Variants in MBD5 observed in about 807,000 individuals in gnomAD.
The protein encoded by MBD5 is methyl-CpG-binding domain protein 5.
Under a neutral mutation model 117.3 loss-of-function variants are expected in MBD5, and 13 were observed. The ratio of observed to expected loss-of-function variants is 0.11; its 90% CI spans 0.07 to 0.18. MBD5 has a LOEUF of 0.18. MBD5 is among the 10% of genes least tolerant of loss of function. MBD5 has a pLI of 1.00. For synonymous variants in MBD5, 727 were observed against 766.4 expected (o/e 0.95, Z 0.85); for missense variants, 1,879 against 2,093.8 (o/e 0.90, Z 2.00).
intron 2 of MBD5, among the ~76,000 whole-genome samples, chr2:148,182,078 T>C (rs1332206503): frequency 6.6e-6 from 1 of 152,072 alleles, no homozygotes; most frequent in Non-Finnish European, 1.5e-5. Flanking sequence ...TCTGGAACTA[T>C]GTTAACGAGT....
chr2:148,078,885 T>C (rs192136451), intron 1 of MBD5, among the ~76,000 whole-genome samples: 32 of 152,342 alleles, frequency 2.1e-4, no homozygotes, highest in Non-Finnish European at 5.9e-5. Flanking sequence ...TTTAATATTG[T>C]AAAAGAACAA....
intron 4 of MBD5, among the ~76,000 whole-genome samples, chr2:148,440,949 G>A (rs1706301607): frequency 6.6e-6 from 1 of 152,106 alleles, no homozygotes; most frequent in Non-Finnish European, 1.5e-5. Context: ...ATGGTATCTT[G>A]GAAGGAGCTG....
intron 1 of MBD5, among the ~76,000 whole-genome samples, chr2:148,086,810 G>T (rs945949127): frequency 2.6e-5 from 4 of 152,032 alleles, no homozygotes; most frequent in African/African-American, 7.2e-5. Flanking sequence ...CGTAGTTCTG[G>T]TATTTATTTG....
At chr2:148,437,803 G>T (rs964268679) in intron 4 of MBD5, among the ~76,000 whole-genome samples, 8 of 152,090 alleles carry the variant, frequency 5.3e-5, no homozygotes, top group African/African-American at 1.9e-4. Context: ...GTTGGTAATT[G>T]TTTGCACCCA....
chr2:148,209,652 G>T (rs537522012), intron 2 of MBD5, among the ~76,000 whole-genome samples: 1 of 151,894 alleles, frequency 6.6e-6, no homozygotes, highest in African/African-American at 2.4e-5. Context: ...AAAGGAAAAA[G>T]ATTTAATTGG....
At position 148,458,544 on chromosome 2, in the gene MBD5, T is replaced by A; in HGVS notation, c.-215T>A. 1.6e-6 allele frequency: 1 copy of A among 606,106 alleles called. No individual in the cohort carries two copies. 37.5% of individuals were successfully genotyped at this position (606,106 alleles called of 1,614,324 possible). A position where few individuals can be genotyped will look rare whatever the true frequency, so the allele number is the denominator to read the frequency against. ...CCATCCTTAGGAATTAAATATTGGT[T>A]ATTTAATGTAGATTATAATGGGAAG... On this transcript the variant is annotated 5_prime_UTR_variant, in exon 5 of 14. Coordinates refer to ENST00000642680, the MANE Select transcript of MBD5 (RefSeq NM_001378120.1).
chr2:148,107,535 C>A (rs550114574), intron 1 of MBD5, among the ~76,000 whole-genome samples: 1 of 151,838 alleles, frequency 6.6e-6, no homozygotes, highest in Non-Finnish European at 1.5e-5. Flanking sequence ...CTCTTCCTCT[C>A]GAGACTATAT....
chr2:148,275,912 A>G (rs569534286), intron 3 of MBD5, among the ~76,000 whole-genome samples: 2 of 152,090 alleles, frequency 1.3e-5, no homozygotes, highest in South Asian at 4.2e-4. Flanking sequence ...TAAAATTAAT[A>G]TTTTCTGATT....
intron 8 of MBD5, among the ~76,000 whole-genome samples, chr2:148,482,566 TA>T (rs1380469921): frequency 6.6e-6 from 1 of 152,186 alleles, no homozygotes; most frequent in Non-Finnish European, 1.5e-5. Context: ...AGCTATAAAC[TA>T]AAATGTTAAT....
At chr2:148,273,493 C>T (rs1452125517) in intron 3 of MBD5, among the ~76,000 whole-genome samples, 8 of 152,082 alleles carry the variant, frequency 5.3e-5, no homozygotes, top group African/African-American at 9.7e-5. Flanking sequence ...TTCTGATGGA[C>T]GAGCTGGCAC....
At chr2:148,414,528 C>T (rs1012226781) in intron 4 of MBD5, among the ~76,000 whole-genome samples, 2 of 151,996 alleles carry the variant, frequency 1.3e-5, no homozygotes, top group African/African-American at 4.8e-5. Context: ...TTAGTTTCCT[C>T]CTTGGTGATC....
intron 1 of MBD5, among the ~76,000 whole-genome samples, chr2:148,172,242 C>A (rs1395626893): frequency 1.3e-5 from 2 of 152,232 alleles, no homozygotes; most frequent in Non-Finnish European, 2.9e-5. Context: ...CATCCCTGCG[C>A]TATCAGAAGC....
intron 8 of MBD5, among the ~76,000 whole-genome samples, chr2:148,475,257 C>T (rs1680920359): frequency 6.6e-6 from 1 of 152,034 alleles, no homozygotes; most frequent in Admixed American, 6.6e-5. Context: ...AACCAAACAA[C>T]AGAACTATAC....
chr2:148,216,508 C>A (rs552382472), intron 2 of MBD5, among the ~76,000 whole-genome samples: 1 of 152,168 alleles, frequency 6.6e-6, no homozygotes, highest in Non-Finnish European at 1.5e-5. Flanking sequence ...AATGTGACTG[C>A]TTTCATGTCC....
In MBD5 at chr2:148,469,649, A is replaced by G; in HGVS notation, c.1706A>G (p.His569Arg). Residue 569 changes from histidine to arginine, a missense_variant, in exon 8 of 14, where the codon CAC becomes CGC. Physicochemically the swap from His to Arg is conservative, Grantham distance 29. Coordinates refer to ENST00000642680, the MANE Select transcript of MBD5 (RefSeq NM_001378120.1). ...CCTTTAAATCAGATCTTGAACCAGC[A>G]CAATGCTGCCTCCTTTCCAGCAAGT... ...GMPLNQILNQ[H>R]NAASFPASSL... 1 of 1,614,002 alleles carries G rather than the reference A, an allele frequency of 6.2e-7. No individual in the cohort carries two copies.
intron 2 of MBD5, among the ~76,000 whole-genome samples, chr2:148,229,702 G>C (rs1476695730): frequency 1.3e-5 from 2 of 152,144 alleles, no homozygotes; most frequent in Non-Finnish European, 2.9e-5. Flanking sequence ...GATCTAAGCT[G>C]TATCTGCTTT....
intron 1 of MBD5, among the ~76,000 whole-genome samples, chr2:148,032,039 AT>A (rs1255447957): frequency 1.3e-5 from 2 of 152,036 alleles, no homozygotes; most frequent in African/African-American, 4.8e-5. Context: ...GAACTTTTTT[AT>A]TTCTTCTGAA....
intron 1 of MBD5, among the ~76,000 whole-genome samples, chr2:148,052,525 G>A (rs1694741300): frequency 6.6e-6 from 1 of 151,892 alleles, no homozygotes; most frequent in South Asian, 2.1e-4. Flanking sequence ...CTTTTTTATT[G>A]TGGGCATTTA....
intron 13 of MBD5, among the ~76,000 whole-genome samples, chr2:148,511,986 G>A (rs1042362808): frequency 1.3e-5 from 2 of 152,126 alleles, no homozygotes; most frequent in African/African-American, 4.8e-5. Flanking sequence ...GTGACATAAG[G>A]TTGGCCAGGG....
Sources: gnomAD v4.1 joint callset for allele counts (sites outside exome capture counted in the v4.1 genomes callset) on GRCh38, gnomAD v4.1.1 for gene constraint, MANE v1.5 for transcripts, NCBI Gene and HGNC (gene_info 2026-07-23, HGNC 2026-07-21) for gene names.